Variants in NCAPG2 observed in about 807,000 individuals in gnomAD.
NCAPG2 encodes condensin-2 complex subunit G2.
NCAPG2 carries 53 observed loss-of-function variants against 141.1 expected under a neutral mutation model. The ratio of observed to expected loss-of-function variants is 0.38; its 90% CI spans 0.30 to 0.47. The LOEUF is 0.47. Among genes scored for constraint, NCAPG2 ranks in the 20% least tolerant of loss-of-function variants. The pLI, the probability that NCAPG2 is intolerant of heterozygous loss-of-function variation, is 0.99. For synonymous variants in NCAPG2, 499 were observed against 490.7 expected (o/e 1.02, Z -0.22); for missense variants, 1,087 against 1,389.0 (o/e 0.78, Z 3.46).
intron 27 of NCAPG2, among the ~76,000 whole-genome samples, chr7:158,632,229 C>T (rs969399382): frequency 6.6e-5 from 10 of 152,202 alleles, no homozygotes; most frequent in African/African-American, 2.4e-4. Context: ...TTCCTCCTCA[C>T]GTCCTCCCCA....
chr7:158,671,005 A>G (rs1833646300), intron 13 of NCAPG2, among the ~76,000 whole-genome samples: 2 of 150,248 alleles, frequency 1.3e-5, no homozygotes, highest in Admixed American at 1.3e-4. Flanking sequence ...AAAGAGAACA[A>G]TCACTTCAGT....
chr7:158,641,241 G>C (rs976515024), intron 27 of NCAPG2: 3 of 355,514 alleles, frequency 8.4e-6, no homozygotes, highest in African/African-American at 6.3e-5. Context: ...AAATAACAAG[G>C]GGAACAAATA....
chr7:158,651,778 G>A (rs904375351), intron 23 of NCAPG2, among the ~76,000 whole-genome samples: 4 of 152,146 alleles, frequency 2.6e-5, no homozygotes, highest in African/African-American at 4.8e-5. Context: ...TGTGACTCTC[G>A]TTTCCAACCT....
Position 158,644,348 on chromosome 7 carries a change from A to G in NCAPG2, c.3321T>C (p.Thr1107=), listed in dbSNP as rs1366463131. 2 of 1,614,134 alleles carry G rather than the reference A, an allele frequency of 1.2e-6. No homozygotes were observed. The highest frequency in any genetic ancestry group is 1.3e-5 in the African/African-American group (1 of 75,050). Residue 1107 remains threonine, a synonymous_variant, in exon 27 of 28, where the codon ACT becomes ACC. Transcript: ENST00000356309. ...TGAATGTCTTTAGTTTTCTGTGAAC[A>G]GTGGCTGCAACCTCCCTCACTTTTG... ...KSSKVREVAA[T]VHRKLKTFME...
rs189937529 is a variant in NCAPG2 at position 158,637,016 on chromosome 7, T to C, written c.3381-5299A>G. ...AGGCTGGAATGCAGTGGTGTGATCT[T>C]GGCTCACTGCAAGTTCCGCCTCCCG... is the stretch of plus-strand genomic sequence containing the variant. On this transcript the variant is annotated intron_variant, in intron 27 of 27. Coordinates refer to ENST00000356309, the MANE Select transcript of NCAPG2 (RefSeq NM_017760.7). Among the ~76,000 whole-genome samples, 1,287 of 151,904 alleles carry C rather than the reference T, an allele frequency of 8.5e-3. 10 individuals carry two copies. Among genetic ancestry groups the C allele is most frequent in the African/African-American group, 0.025 (1,034 of 41,398 alleles).
Position 158,633,534 on chromosome 7 carries a change from C to T in NCAPG2, c.3381-1817G>A, listed in dbSNP as rs1430961756. 6.6e-5 allele frequency among the ~76,000 whole-genome samples: 10 copies of T among 152,194 alleles called. No homozygotes were observed. Reference sequence around the variant, plus strand: ...AGGAGACTCTGGGTGCCCCACAGCCCCTTCACTCTCCCAGCCTCGCTGGGC... The same window carrying T: ...AGGAGACTCTGGGTGCCCCACAGCCTCTTCACTCTCCCAGCCTCGCTGGGC... On this transcript the variant is annotated intron_variant, in intron 27 of 27. Transcript: ENST00000356309. This position sits in a 1 kb window ranked among gnomAD's most constrained non-coding sequence, Gnocchi z 4.1.
intron 24 of NCAPG2, among the ~76,000 whole-genome samples, chr7:158,649,089 C>T (rs1002239600): frequency 6.6e-5 from 10 of 152,212 alleles, no homozygotes; most frequent in African/African-American, 2.4e-4. Context: ...CACAAGAAAG[C>T]TGGTTTGGCT....
chr7:158,653,629 T>C (rs550057330), intron 22 of NCAPG2, among the ~76,000 whole-genome samples: 21 of 152,268 alleles, frequency 1.4e-4, no homozygotes, highest in African/African-American at 2.6e-4. Flanking sequence ...GAATCTGCCA[T>C]GAAGATATTT....
chr7:158,662,145 C>A, intron 16 of NCAPG2, 49 bp downstream of exon 16: 1 of 1,501,982 alleles, frequency 6.7e-7, no homozygotes, highest in Non-Finnish European at 8.9e-7. Flanking sequence ...AAATTCTAAA[C>A]AAACGTAACC....
In NCAPG2 at chr7:158,668,146, G is replaced by GGT. The variant is rs1563542155; in HGVS notation, c.1479+3367_1479+3368insAC. ...CTCCGCCCTCCTTACCTACCCTCTG[G>GGT]CCCTCCACCCTCTTACCCACTACTG... is the stretch of plus-strand genomic sequence containing the variant. On this transcript the variant is annotated intron_variant, in intron 13 of 27. Coordinates refer to ENST00000356309, the MANE Select transcript of NCAPG2 (RefSeq NM_017760.7). The GGT allele has an allele frequency of 2.9e-5, 5 of 170,180 alleles. 1 individual carries two copies. In the African/African-American group the frequency reaches 3.6e-4, roughly 12 times the overall value. The allele number at this position is 170,180 out of a possible 1,614,324, so 10.5% of individuals were successfully genotyped here. A position where few individuals can be genotyped will look rare whatever the true frequency, so the allele number is the denominator to read the frequency against.
intron 7 of NCAPG2, among the ~76,000 whole-genome samples, chr7:158,687,089 C>T (rs1321672593): frequency 1.3e-5 from 2 of 152,016 alleles, no homozygotes; most frequent in African/African-American, 2.4e-5. Flanking sequence ...TTATTACGAG[C>T]GAGGCTAAGG....
At chr7:158,655,579 GC>G (rs1480669348) in intron 19 of NCAPG2, 124 bp from the exon 20 acceptor site, 1 of 502,290 alleles carries the variant, frequency 2.0e-6, no homozygotes, top group Non-Finnish European at 3.2e-6. Flanking sequence ...CTCTGGTGAA[GC>G]CCAGTGTCTG....
Position 158,662,255 on chromosome 7 carries a change from G to A in NCAPG2, c.1928C>T (p.Ala643Val), listed in dbSNP as rs1407894429. 2.5e-6 allele frequency: 4 copies of A among 1,609,546 alleles called. No individual in the cohort carries two copies. In the South Asian group the frequency reaches 4.5e-5, roughly 18 times the overall value. Residue 643 changes from alanine (A) to valine (V), a missense_variant, in exon 16 of 28, where the codon GCC becomes GTC. Transcript: ENST00000356309. ...AAACTTGTTAATCGTGTAAAGTTTG[G>A]CCTCTTTATTATTTTCCATACTTCT... ...IDRSMENNKE[A>V]KLYTINKFAS...
chr7:158,648,857 T>C (rs962809851), intron 24 of NCAPG2, among the ~76,000 whole-genome samples: 74 of 150,682 alleles, frequency 4.9e-4, no homozygotes, highest in African/African-American at 1.7e-3. Context: ...GCAAATGGAC[T>C]ACAACCACGG....
chr7:158,648,245 A>C (rs1163031778), intron 24 of NCAPG2, among the ~76,000 whole-genome samples: 1 of 152,172 alleles, frequency 6.6e-6, no homozygotes, highest in African/African-American at 2.4e-5. Flanking sequence ...GGACAAGCAT[A>C]ATTTCTGAAG....
chr7:158,654,852 C>T, intron 21 of NCAPG2, 158 bp from the exon 22 acceptor site: 1 of 1,345,162 alleles, frequency 7.4e-7, no homozygotes, highest in Non-Finnish European at 9.7e-7. Context: ...TACATTAATT[C>T]TTGTTTTTGT....
rs756602744 is a variant in NCAPG2 at position 158,655,435 on chromosome 7, C to A, written c.2409G>T (p.Leu803=). The A allele has an allele frequency of 1.1e-5, 17 of 1,614,060 alleles. No homozygotes were observed. The highest frequency in any genetic ancestry group is 1.4e-5 in the Non-Finnish European group (16 of 1,180,020). Residue 803 remains leucine (L), a synonymous_variant, in exon 20 of 28, where the codon CTG becomes CTT. Transcript: ENST00000356309. The part of the protein sequence containing the change: ...ETSKADLESL[L]QTPGGKPRGF... ...CACGAGGCTTCCCACCCGGTGTCTG[C>A]AGAAGTGACTCCAGATCTGCCTGTA...
chr7:158,631,707 C>T lies in NCAPG2; in HGVS notation c.3391G>A (p.Glu1131Lys). ...TCTCCCAGAGTTCTTGATGATGATTCATAGAGAAATCTGAAACACAAATAA... is the reference window on the plus strand; with the variant it reads ...TCTCCCAGAGTTCTTGATGATGATTTATAGAGAAATCTGAAACACAAATAA... ...EEDSIERFLY[E>K]SSSRTLGELL... The change falls in exon 28 of 28, where the codon GAA becomes AAA. Residue 1131 changes from glutamate (E) to lysine (K), a missense_variant. Transcript: ENST00000356309. 1 of 1,598,782 alleles carries T rather than the reference C, an allele frequency of 6.3e-7. No homozygotes were observed. The highest frequency in any genetic ancestry group is 8.6e-7 in the Non-Finnish European group (1 of 1,166,658).
chr7:158,693,333 C>T lies in NCAPG2; in HGVS notation c.243G>A (p.Met81Ile), dbSNP rs1835246226. 5 of 1,612,516 alleles carry T rather than the reference C, an allele frequency of 3.1e-6. No homozygotes were observed. The highest frequency in any genetic ancestry group is 4.2e-6 in the Non-Finnish European group (5 of 1,179,766). ...CCATTTTTGAGCCATGTTCGGTTTC[C>T]ATATTGTCTTCACCCTGGGCTTCCA... ...QVVEAQGEDN[M>I]ETEHGSKMRK... is the part of the protein sequence containing the mutation. Residue 81 changes from methionine to isoleucine, a missense_variant, in exon 3 of 28, where the codon ATG (methionine) becomes ATA (isoleucine). Physicochemically the swap from Met to Ile is conservative, Grantham distance 10 (BLOSUM62 1). Coordinates refer to ENST00000356309, the MANE Select transcript of NCAPG2 (RefSeq NM_017760.7).
Sources: gnomAD v4.1 joint callset for allele counts (sites outside exome capture counted in the v4.1 genomes callset) on GRCh38, gnomAD v4.1.1 for gene constraint, Gnocchi (gnomAD v3.1) non-coding constraint, MANE v1.5 for transcripts, NCBI Gene and HGNC (gene_info 2026-07-23, HGNC 2026-07-21) for gene names.